The following RAB33B variants were observed in gnomAD, a reference collection of about 807,000 sequenced individuals.
RAB33B encodes the protein RAB33B, member RAS oncogene family.
In RAB33B, 6 loss-of-function variants were observed where a neutral mutation model predicts 15.0. That is an observed-to-expected ratio of 0.40 (90% CI 0.22 to 0.79). The LOEUF (loss-of-function observed/expected upper bound fraction) is 0.79, where lower values mean the gene tolerates loss of function less well. RAB33B is among the 30% of genes least tolerant of loss of function. The probability of loss-of-function intolerance (pLI) is 0.37; values close to 1 mark genes in which losing one functional copy is unlikely to be tolerated. For synonymous variants in RAB33B, 117 were observed against 108.3 expected, an observed-to-expected ratio of 1.08 and a Z score of -0.50; for missense variants, 257 against 296.4, an observed-to-expected ratio of 0.87 and a Z score of 0.98.
chr4:139,467,808 A>G (rs1053714604), intron 1 of RAB33B, among the ~76,000 whole-genome samples: 2 of 151,702 alleles, frequency 1.3e-5, no homozygotes, highest in Non-Finnish European at 2.9e-5. Flanking sequence ...CAGTGAGCTG[A>G]GATCGTGCTG....
chr4:139,472,973 T>A lies in RAB33B; in HGVS notation c.537T>A (p.Ala179=). ...THSMPLFETS[A]KNPNDNDHVE... ...GTATGCCTTTGTTTGAAACGTCTGCTAAAAACCCCAATGATAATGACCATG... is the reference window on the plus strand; with the variant it reads ...GTATGCCTTTGTTTGAAACGTCTGCAAAAAACCCCAATGATAATGACCATG... Residue 179 remains alanine (A), a synonymous_variant, in exon 2 of 2, where the codon GCT becomes GCA. Coordinates refer to ENST00000305626, the MANE Select transcript of RAB33B (RefSeq NM_031296.3). The A allele has an allele frequency of 1.2e-6, 2 of 1,614,166 alleles. No individual in the cohort carries two copies. The highest frequency in any genetic ancestry group is 1.7e-6 in the Non-Finnish European group (2 of 1,180,038).
At chr4:139,459,790 C>G (rs1376965096) in intron 1 of RAB33B, among the ~76,000 whole-genome samples, 1 of 152,044 alleles carries the variant, frequency 6.6e-6, no homozygotes, top group East Asian at 1.9e-4. Context: ...CCTGCCACCC[C>G]ACCCCGCTAA....
intron 1 of RAB33B, among the ~76,000 whole-genome samples, chr4:139,467,882 T>C (rs1750319610): frequency 6.6e-6 from 1 of 151,362 alleles, no homozygotes; most frequent in Non-Finnish European, 1.5e-5. Flanking sequence ...AATTACATTA[T>C]TTATTTAAAA....
At chr4:139,464,089 A>C (rs1172302027) in intron 1 of RAB33B, among the ~76,000 whole-genome samples, 1 of 152,124 alleles carries the variant, frequency 6.6e-6, no homozygotes, top group African/African-American at 2.4e-5. Flanking sequence ...CCTGGGCAAC[A>C]TAGTGTGACC....
rs180955191 is a variant in RAB33B, at chr4:139,457,807, T to A, written c.249+3363T>A. Among the ~76,000 whole-genome samples, 1,086 of 152,282 alleles carry A rather than the reference T, an allele frequency of 7.1e-3. 7 individuals carry two copies. The highest frequency in any genetic ancestry group is 0.024 in the African/African-American group (1,008 of 41,538). ...ATATCAAGATTTCATGACATGAAAATCATATGAAATTCAAAATTCACCTAG... is the reference window on the plus strand; with the variant it reads ...ATATCAAGATTTCATGACATGAAAAACATATGAAATTCAAAATTCACCTAG... On this transcript the variant is annotated intron_variant, in intron 1 of 1. Coordinates refer to ENST00000305626, the MANE Select transcript of RAB33B (RefSeq NM_031296.3).
In RAB33B at chr4:139,454,221, T is replaced by A. The variant is rs755362234; in HGVS notation, c.26T>A (p.Leu9His). 1.9e-6 allele frequency: 3 copies of A among 1,613,804 alleles called. No homozygotes were observed. The Middle Eastern group carries it at 5.0e-4, about 268-fold the overall frequency. Residue 9 changes from leucine (L) to histidine (H), a missense_variant, in exon 1 of 2, where the codon CTC (leucine) becomes CAC (histidine). Leu to His is a moderately conservative substitution (Grantham distance 99). Coordinates refer to ENST00000305626, the MANE Select transcript of RAB33B (RefSeq NM_031296.3). MAEEMESSLEASFSSSGAV... is the reference protein window; with the variant it reads MAEEMESSHEASFSSSGAV... The stretch of plus-strand genomic sequence containing the variant: ...ATGGCTGAGGAGATGGAGTCGTCGC[T>A]CGAGGCAAGCTTTTCGTCCAGCGGG...
chr4:139,460,646 G>T (rs1750154867), intron 1 of RAB33B, among the ~76,000 whole-genome samples: 2 of 152,128 alleles, frequency 1.3e-5, no homozygotes, highest in Admixed American at 1.3e-4. Flanking sequence ...TGGTTCTCTT[G>T]ATTTGATTTG....
chr4:139,467,118 GC>G (rs1057221955), intron 1 of RAB33B, among the ~76,000 whole-genome samples: 13 of 150,394 alleles, frequency 8.6e-5, no homozygotes, highest in Non-Finnish European at 1.6e-4. Context: ...ATGGGCACCT[GC>G]CACCACACCT....
At position 139,454,240 on chromosome 4, in the gene RAB33B, C is replaced by T. The variant is rs1381336631; in HGVS notation, c.45C>T (p.Ser15=). Residue 15 remains serine, a synonymous_variant, in exon 1 of 2, where the codon TCC becomes TCT. Transcript: ENST00000305626. ...CGTCGCTCGAGGCAAGCTTTTCGTC[C>T]AGCGGGGCAGTGTCAGGGGCCTCAG... The part of the protein sequence containing the change: ...MESSLEASFS[S]SGAVSGASGF... 1.9e-6 allele frequency: 3 copies of T among 1,614,082 alleles called. No homozygotes were observed. Among genetic ancestry groups the T allele is most frequent in the Admixed American group, 1.7e-5 (1 of 60,012 alleles).
the RAB33B span, among the ~76,000 whole-genome samples, chr4:139,446,234 T>TG: frequency 6.6e-6 from 1 of 152,314 alleles, no homozygotes; most frequent in Non-Finnish European, 1.5e-5. Context: ...GAGTTCCCTA[T>TG]GATCAGCTGA....
At chr4:139,450,271 C>T (rs1749893774), upstream of RAB33B, 2 of 152,168 alleles carry the variant, frequency 1.3e-5, no homozygotes, top group Admixed American at 6.5e-5. Context: ...TATTTATATA[C>T]TGAAATTAAA....
the RAB33B span, among the ~76,000 whole-genome samples, chr4:139,445,966 C>T: frequency 1.8e-4 from 28 of 152,294 alleles, no homozygotes; most frequent in African/African-American, 2.9e-4. Flanking sequence ...GGAAACGGAA[C>T]GTTTGACTAT....
At chr4:139,453,983 G>A (rs1750003409), upstream of RAB33B, 5 of 446,984 alleles carry the variant, frequency 1.1e-5, no homozygotes, top group East Asian at 4.0e-5. Context: ...CCGCGGGCAG[G>A]CGGCTCCGTG....
the RAB33B span, among the ~76,000 whole-genome samples, chr4:139,439,135 G>A: frequency 6.6e-6 from 1 of 152,036 alleles, no homozygotes; most frequent in Non-Finnish European, 1.5e-5. Flanking sequence ...GGAGTAGCTG[G>A]GACTACAGGC....
chr4:139,440,039 A>G, the RAB33B span, among the ~76,000 whole-genome samples: 1 of 152,204 alleles, frequency 6.6e-6, no homozygotes, highest in African/African-American at 2.4e-5. Context: ...AAAACCAGAC[A>G]TTAGAATTTA....
chr4:139,453,291 C>T (rs1724234266), upstream of RAB33B: 1 of 152,158 alleles, frequency 6.6e-6, no homozygotes, highest in Non-Finnish European at 1.5e-5. Flanking sequence ...AAGGATCACG[C>T]GGATATTCTT....
At chr4:139,464,408 T>TG (rs1750239924) in intron 1 of RAB33B, among the ~76,000 whole-genome samples, 1 of 149,414 alleles carries the variant, frequency 6.7e-6, no homozygotes, top group Non-Finnish European at 1.5e-5. Flanking sequence ...TTTTTTTTTT[T>TG]TTTTATACTT....
the RAB33B span, among the ~76,000 whole-genome samples, chr4:139,447,877 T>A: frequency 1.3e-5 from 2 of 151,904 alleles, no homozygotes; most frequent in Non-Finnish European, 2.9e-5. Flanking sequence ...CGTTTTTAGC[T>A]GGGATGGTCT....
rs374235912 is a variant in RAB33B, at chr4:139,473,130, A to T, written c.*4A>T. The T allele has an allele frequency of 4.2e-5, 67 of 1,585,770 alleles. No individual in the cohort carries two copies. Among genetic ancestry groups the T allele is most frequent in the African/African-American group, 3.3e-4 (24 of 73,498 alleles). ...TGCAATGACGTGCTGGTGCTAAATA[A>T]CAGTCTTTATTATATTATCTAATTT... On this transcript the variant is annotated 3_prime_UTR_variant, in exon 2 of 2. Coordinates refer to ENST00000305626, the MANE Select transcript of RAB33B (RefSeq NM_031296.3).
Sources: allele counts gnomAD v4.1 joint callset (sites outside exome capture counted in the v4.1 genomes callset), GRCh38; gene constraint gnomAD v4.1.1; transcripts MANE v1.5; gene names NCBI Gene and HGNC (gene_info 2026-07-23, HGNC 2026-07-21).